Variants in PPP6R3 observed in about 807,000 individuals in gnomAD.
PPP6R3 encodes serine/threonine-protein phosphatase 6 regulatory subunit 3.
PPP6R3 carries 38 observed loss-of-function variants against 110.7 expected under a neutral mutation model. The observed-to-expected ratio is 0.34, with a 90% CI of 0.26 to 0.45. The LOEUF is 0.45. Ranked by LOEUF, PPP6R3 falls within the 20% of genes least tolerant of loss-of-function variation. PPP6R3 has a pLI of 1.00. For missense variants in PPP6R3, 870 were observed against 1,062.4 expected, an observed-to-expected ratio of 0.82 and a Z score of 2.52; for synonymous variants, 369 against 373.5, an observed-to-expected ratio of 0.99 and a Z score of 0.14.
chr11:68,552,790 A>G (rs1040391934), intron 6 of PPP6R3, among the ~76,000 whole-genome samples: 12 of 152,216 alleles, frequency 7.9e-5, no homozygotes, highest in African/African-American at 2.9e-4. Flanking sequence ...TGATTGCTCA[A>G]TGGGCTAGGA....
chr11:68,548,263 C>G, intron 5 of PPP6R3, 59 bp downstream of exon 5: 1 of 1,591,556 alleles, frequency 6.3e-7, no homozygotes, highest in Non-Finnish European at 8.6e-7. Context: ...GTGAGCCCAC[C>G]AGGCTGCTGT....
At chr11:68,520,638 G>A (rs948812774) in intron 2 of PPP6R3, among the ~76,000 whole-genome samples, 8 of 152,126 alleles carry the variant, frequency 5.3e-5, no homozygotes, top group Admixed American at 2.0e-4. Context: ...TCTTGCCCCC[G>A]ATATTCAGAT....
chr11:68,602,895 C>T lies in PPP6R3; in HGVS notation c.2300-447C>T, dbSNP rs549248555. ...AGGCTCATCACCTATGTTGGCTTCC[C>T]ATTAGAGAACAAAGAAACGATCCAC... On this transcript the variant is annotated intron_variant, in intron 21 of 23. Transcript: ENST00000393800. 8.8e-4 allele frequency among the ~76,000 whole-genome samples: 134 copies of T among 152,224 alleles called. 2 individuals are homozygous for T. Among genetic ancestry groups the T allele is most frequent in the African/African-American group, 3.1e-3 (130 of 41,512 alleles).
intron 14 of PPP6R3, among the ~76,000 whole-genome samples, chr11:68,577,664 G>T (rs2099537078): frequency 1.3e-5 from 2 of 152,158 alleles, no homozygotes; most frequent in African/African-American, 2.4e-5. Context: ...GCTGTCAGCA[G>T]ATCTGCTCTG....
intron 2 of PPP6R3, among the ~76,000 whole-genome samples, chr11:68,524,233 T>C (rs1322976580): frequency 6.6e-6 from 1 of 152,158 alleles, no homozygotes; most frequent in Non-Finnish European, 1.5e-5. Flanking sequence ...TTGCACTTTT[T>C]ACTTACTGGT....
intron 2 of PPP6R3, among the ~76,000 whole-genome samples, chr11:68,520,892 C>T (rs1275871430): frequency 1.3e-5 from 2 of 152,104 alleles, no homozygotes; most frequent in Admixed American, 1.3e-4. Flanking sequence ...CGGTCTTGGC[C>T]TCCTGAGTAG....
chr11:68,503,744 A>G (rs1014503727), intron 1 of PPP6R3, among the ~76,000 whole-genome samples: 3 of 144,142 alleles, frequency 2.1e-5, no homozygotes, highest in African/African-American at 8.2e-5. Context: ...AGGGAATGCT[A>G]TCAGACAAAT....
intron 21 of PPP6R3, among the ~76,000 whole-genome samples, chr11:68,602,638 C>A (rs1021482483): frequency 1.3e-5 from 2 of 152,098 alleles, no homozygotes. Context: ...AACCCTCCTT[C>A]CCAGGGGCAA....
At chr11:68,508,256 G>A (rs2099089569) in intron 1 of PPP6R3, among the ~76,000 whole-genome samples, 1 of 149,918 alleles carries the variant, frequency 6.7e-6, no homozygotes, top group South Asian at 2.1e-4. Context: ...AGTCTCCCGA[G>A]TATCTGGGAT....
chr11:68,535,830 G>A (rs919110300), intron 2 of PPP6R3, among the ~76,000 whole-genome samples: 1 of 151,276 alleles, frequency 6.6e-6, no homozygotes, highest in East Asian at 1.9e-4. Flanking sequence ...AAATCAGCCG[G>A]GTGTGATGGC....
At chr11:68,525,162 C>T (rs1194619816) in intron 2 of PPP6R3, among the ~76,000 whole-genome samples, 2 of 152,180 alleles carry the variant, frequency 1.3e-5, no homozygotes, top group Non-Finnish European at 2.9e-5. Context: ...CATTTGAACT[C>T]TCAGAATTTT....
intron 2 of PPP6R3, among the ~76,000 whole-genome samples, chr11:68,530,857 A>G (rs749108164): frequency 7.2e-5 from 11 of 152,236 alleles, no homozygotes; most frequent in Non-Finnish European, 1.5e-4. Flanking sequence ...ATTTAAGCAT[A>G]GTGAGTTCAT....
chr11:68,577,330 C>T (rs1433289767), intron 14 of PPP6R3, among the ~76,000 whole-genome samples: 1 of 152,166 alleles, frequency 6.6e-6, no homozygotes, highest in Admixed American at 6.5e-5. Flanking sequence ...ATTGTCCTCT[C>T]CCATACTGTT....
At chr11:68,569,993 GT>G in intron 11 of PPP6R3, 96 bp downstream of exon 11, 1 of 1,167,582 alleles carries the variant, frequency 8.6e-7, no homozygotes, top group Non-Finnish European at 1.2e-6. Flanking sequence ...AGGGCTTGAG[GT>G]TAGATTTCAG....
chr11:68,509,806 A>G (rs145393525), intron 1 of PPP6R3, among the ~76,000 whole-genome samples: 55 of 142,192 alleles, frequency 3.9e-4, no homozygotes, highest in Admixed American at 2.0e-3. Context: ...TTGGAGTGCA[A>G]TGGCACAATC....
In PPP6R3 at chr11:68,519,643, G is replaced by A. The variant is rs1036975154; in HGVS notation, c.-15G>A. 4 of 398,408 alleles carry A rather than the reference G, an allele frequency of 1.0e-5. No individual in the cohort carries two copies. The highest frequency in any genetic ancestry group is 2.1e-5 in the African/African-American group (1 of 48,604). 24.7% of individuals were successfully genotyped at this position (398,408 alleles called of 1,614,324 possible). On this transcript the variant is annotated 5_prime_UTR_variant, in exon 2 of 24. Transcript: ENST00000393800. ...ACATTTCTTTTAATTTTTAAACTTG[G>A]TTTGAAAGGTAAGACCATTACGATT...
chr11:68,589,266 T>C (rs1278008115), intron 16 of PPP6R3, among the ~76,000 whole-genome samples: 1 of 152,128 alleles, frequency 6.6e-6, no homozygotes, highest in Non-Finnish European at 1.5e-5. Context: ...TGTTGTTGAC[T>C]GGGGCATCAC....
At chr11:68,487,089 ATTC>A (rs2098952402) in intron 1 of PPP6R3, among the ~76,000 whole-genome samples, 1 of 151,698 alleles carries the variant, frequency 6.6e-6, no homozygotes, top group Non-Finnish European at 1.5e-5. Flanking sequence ...TTCTGCTCTA[ATTC>A]TTCTTTTCTT....
At chr11:68,502,968 G>A (rs1313240160) in intron 1 of PPP6R3, among the ~76,000 whole-genome samples, 2 of 152,190 alleles carry the variant, frequency 1.3e-5, no homozygotes. Context: ...TTTTGAGACG[G>A]AGTCTCACTC....
Sources: gnomAD v4.1 joint callset for allele counts (sites outside exome capture counted in the v4.1 genomes callset) on GRCh38, gnomAD v4.1.1 for gene constraint, MANE v1.5 for transcripts, NCBI Gene and HGNC (gene_info 2026-07-23, HGNC 2026-07-21) for gene names.